The following AKR1B10 variants were observed in gnomAD, a reference collection of about 807,000 sequenced individuals.
AKR1B10 encodes ARP.
Under a neutral mutation model 38.9 loss-of-function variants are expected in AKR1B10, and 39 were observed. The observed-to-expected ratio is 1.00, with a 90% CI of 0.78 to 1.31. AKR1B10 has a LOEUF of 1.31. Ranked by LOEUF, AKR1B10 falls within the 50% of genes most tolerant of loss-of-function variation. The pLI, the probability that AKR1B10 is intolerant of heterozygous loss-of-function variation, is 0.00. For synonymous variants in AKR1B10, 148 were observed against 141.2 expected (o/e 1.05, Z -0.34); for missense variants, 361 against 382.6 (o/e 0.94, Z 0.47).
At chr7:134,530,922 TCTG>T in intron 2 of AKR1B10, 112 bp downstream of exon 2, 1 of 1,389,198 alleles carries the variant, frequency 7.2e-7, no homozygotes, top group Non-Finnish European at 9.8e-7. Context: ...CCTTTTCATC[TCTG>T]CCTTGATAAC....
chr7:134,529,860 G>A (rs1440572765), intron 1 of AKR1B10, among the ~76,000 whole-genome samples: 2 of 150,724 alleles, frequency 1.3e-5, no homozygotes, highest in African/African-American at 4.9e-5. Flanking sequence ...TCTTTTTACA[G>A]GAGTGGAAAA....
chr7:134,527,810 C>A lies in AKR1B10; in HGVS notation c.-102C>A. 6.4e-7 allele frequency: 1 copy of A among 1,553,144 alleles called. No homozygotes were observed. The highest frequency in any genetic ancestry group is 8.8e-7 in the Non-Finnish European group (1 of 1,133,318). On this transcript the variant is annotated 5_prime_UTR_variant, in exon 1 of 10. Transcript: ENST00000359579. ...GTAGTGAGCTGAGATCGCACCACTG[C>A]ACTCTAGCCTTGGCAACAGTGCAAG...
At chr7:134,538,664 G>C (rs181262521) in intron 8 of AKR1B10, among the ~76,000 whole-genome samples, 1 of 152,284 alleles carries the variant, frequency 6.6e-6, no homozygotes, top group Admixed American at 6.5e-5. Flanking sequence ...AGAAGCACCT[G>C]TCATGGAGCA....
chr7:134,535,585 CTTTTTTT>C lies in AKR1B10; in HGVS notation c.430-1048_430-1042del, dbSNP rs58628862. On this transcript the variant is annotated intron_variant, in intron 4 of 9. Transcript: ENST00000359579. Reference sequence around the variant, plus strand: ...CTCATGTTTTTTCCCTCTTTTCTGTCTTTTTTTTTTTTTTTTTTTTTTTCTTTTGAGG... The same window carrying C: ...CTCATGTTTTTTCCCTCTTTTCTGTCTTTTTTTTTTTTTTTTCTTTTGAGG... 4.7e-3 allele frequency: 1,926 copies of C among 410,516 alleles called. 2 individuals are homozygous for C. Among genetic ancestry groups the C allele is most frequent in the Non-Finnish European group, 5.2e-3 (1,759 of 336,324 alleles). The allele number at this position is 410,516 out of a possible 1,614,324, so 25.4% of individuals were successfully genotyped here. A position where few individuals can be genotyped will look rare whatever the true frequency, so the allele number is the denominator to read the frequency against.
chr7:134,538,877 C>T, intron 8 of AKR1B10, 58 bp from the exon 9 acceptor site: 1 of 1,596,392 alleles, frequency 6.3e-7, no homozygotes, highest in Non-Finnish European at 8.6e-7. Flanking sequence ...GGCCGGCAGT[C>T]TCCAGCCACA....
chr7:134,538,391 A>C lies in AKR1B10; in HGVS notation c.825+114A>C, dbSNP rs571977565. The C allele has an allele frequency of 2.2e-5, 23 of 1,043,628 alleles. No individual in the cohort carries two copies. In the East Asian group the frequency reaches 3.1e-4, roughly 14 times the overall value. 64.6% of individuals were successfully genotyped at this position (1,043,628 alleles called of 1,614,324 possible). ...ATTGTCTTTTGCCCCCTCCCTTCCC[A>C]CCACCCTATCATTTTCCAGCCCAGG... On this transcript the variant is annotated intron_variant, in intron 8 of 9. Coordinates refer to ENST00000359579, the MANE Select transcript of AKR1B10 (RefSeq NM_020299.5).
intron 4 of AKR1B10, 36 bp downstream of exon 4, chr7:134,533,117 G>T (rs746192793): frequency 2.6e-6 from 4 of 1,512,158 alleles, no homozygotes; most frequent in Admixed American, 2.2e-5. Flanking sequence ...TGCTGGGAGA[G>T]AAATCTTCAG....
In AKR1B10 at chr7:134,538,257, C is replaced by T. The variant is rs142388608; in HGVS notation, c.805C>T (p.Arg269Cys). The T allele has an allele frequency of 2.1e-4, 331 of 1,613,944 alleles. No individual in the cohort carries two copies. The highest frequency in any genetic ancestry group is 7.8e-4 in the Admixed American group (47 of 59,990). ...CATCCCCAAGTCTGTGACACCAGCA[C>T]GCATTGTTGAGAACATTCAGGTAAG... ...IVIPKSVTPA[R>C]IVENIQVFDF... The change falls in exon 8 of 10, where the codon CGC becomes TGC. Residue 269 changes from arginine (R) to cysteine (C), a missense_variant. Physicochemically the swap from Arg to Cys is radical, Grantham distance 180. Transcript: ENST00000359579.
intron 1 of AKR1B10, among the ~76,000 whole-genome samples, chr7:134,528,265 A>G (rs957420357): frequency 3.9e-5 from 6 of 152,190 alleles, no homozygotes; most frequent in African/African-American, 1.4e-4. Flanking sequence ...CTCTGGTTCT[A>G]GGACACTTAA....
At chr7:134,533,754 G>A (rs113383431) in intron 4 of AKR1B10, among the ~76,000 whole-genome samples, 296 of 152,304 alleles carry the variant, frequency 1.9e-3, no homozygotes, top group African/African-American at 6.5e-3. Context: ...AAATCAGGGA[G>A]CCTGAGTGCT....
chr7:134,531,242 T>C (rs1807848281), intron 2 of AKR1B10, among the ~76,000 whole-genome samples: 1 of 152,212 alleles, frequency 6.6e-6, no homozygotes, highest in South Asian at 2.1e-4. Flanking sequence ...TTTTCTATTG[T>C]CACATATGAA....
At chr7:134,538,440 A>G (rs1410415194) in intron 8 of AKR1B10, among the ~76,000 whole-genome samples, 163 bp downstream of exon 8, 2 of 152,032 alleles carry the variant, frequency 1.3e-5, no homozygotes, top group East Asian at 1.9e-4. Context: ...TAGAGCTGAG[A>G]TGAATGACCC....
At position 134,527,766 on chromosome 7, in the gene AKR1B10, A is replaced by C; in HGVS notation, c.-146A>C. The C allele has an allele frequency of 8.4e-7, 1 of 1,197,330 alleles. No individual in the cohort carries two copies. Among genetic ancestry groups the C allele is most frequent in the Non-Finnish European group, 1.2e-6 (1 of 868,178 alleles). 74.2% of individuals were successfully genotyped at this position (1,197,330 alleles called of 1,614,324 possible). A position where few individuals can be genotyped will look rare whatever the true frequency, so the allele number is the denominator to read the frequency against. On this transcript the variant is annotated 5_prime_UTR_variant, in exon 1 of 10. Transcript: ENST00000359579. ...GAGGCTGAGGCAGGAGAATTGCTTG[A>C]ACCCAGGAGACAGAGGTTGTAGTGA...
At chr7:134,538,429 G>A in intron 8 of AKR1B10, 152 bp downstream of exon 8, 1 of 785,030 alleles carries the variant, frequency 1.3e-6, no homozygotes, top group Non-Finnish European at 2.1e-6. Context: ...GCTAGGGTCA[G>A]TAGAGCTGAG....
At chr7:134,539,618 T>C (rs111748860) in intron 9 of AKR1B10, among the ~76,000 whole-genome samples, 15,985 of 152,016 alleles carry the variant, frequency 0.11, 860 homozygotes, top group South Asian at 0.16. Context: ...AGGTGCAAAG[T>C]CCCTGAGGTG....
intron 3 of AKR1B10, 91 bp downstream of exon 3, chr7:134,532,115 G>C: frequency 6.8e-7 from 1 of 1,473,650 alleles, no homozygotes; most frequent in South Asian, 1.2e-5. Context: ...TGTGGACTGG[G>C]GCAGGAGGCC....
chr7:134,529,135 C>T (rs1392870094), intron 1 of AKR1B10, among the ~76,000 whole-genome samples: 1 of 152,150 alleles, frequency 6.6e-6, no homozygotes, highest in Non-Finnish European at 1.5e-5. Flanking sequence ...TGGCTAATGT[C>T]CCTGCTGAGA....
At position 134,537,522 on chromosome 7, in the gene AKR1B10, G is replaced by T. The variant is rs1483956280; in HGVS notation, c.660-58G>T. ...GTCTTGAGACCCTCATTGGAGTGGT[G>T]TCCTTCTGTACATGGTAGCCATGGT... On this transcript the variant is annotated intron_variant, in intron 6 of 9. Coordinates refer to ENST00000359579, the MANE Select transcript of AKR1B10 (RefSeq NM_020299.5). 9 of 1,567,048 alleles carry T rather than the reference G, an allele frequency of 5.7e-6. No homozygotes were observed. In the Admixed American group the frequency reaches 1.5e-4, roughly 26 times the overall value.
intron 4 of AKR1B10, among the ~76,000 whole-genome samples, 160 bp downstream of exon 4, chr7:134,533,241 G>A (rs531891504): frequency 7.4e-4 from 113 of 152,048 alleles, no homozygotes; most frequent in African/African-American, 2.6e-3. Context: ...TTGGCTTTTG[G>A]GTACATCTGA....
Sources: allele counts gnomAD v4.1 joint callset (sites outside exome capture counted in the v4.1 genomes callset), GRCh38; gene constraint gnomAD v4.1.1; transcripts MANE v1.5; gene names NCBI Gene and HGNC (gene_info 2026-07-23, HGNC 2026-07-21).